ADAMDEC1: variants seen among roughly 807,000 people sequenced by gnomAD.
ADAMDEC1 encodes ADAM DEC1.
In ADAMDEC1, 62 loss-of-function variants were observed where a neutral mutation model predicts 60.4. That is an observed-to-expected ratio of 1.03 (90% CI 0.84 to 1.27). ADAMDEC1 has a LOEUF of 1.27. Among genes scored for constraint, ADAMDEC1 ranks in the 50% most tolerant of loss-of-function variants. ADAMDEC1 has a pLI of 0.00. For missense variants in ADAMDEC1, 595 were observed against 565.0 expected, an observed-to-expected ratio of 1.05 and a Z score of -0.54; for synonymous variants, 210 against 195.1, an observed-to-expected ratio of 1.08 and a Z score of -0.64.
At position 24,402,527 on chromosome 8, in the gene ADAMDEC1, T is replaced by A. The variant is rs1335231017; in HGVS notation, c.1320+435T>A. On this transcript the variant is annotated intron_variant, in intron 12 of 13. Transcript: ENST00000256412. Reference sequence around the variant, plus strand: ...AGAGAAGAAAGAGGAAAAGAAAAAATAATCACAAAAATCTGTAGAAAATAG... The same window carrying A: ...AGAGAAGAAAGAGGAAAAGAAAAAAAAATCACAAAAATCTGTAGAAAATAG... Among the ~76,000 whole-genome samples, 5 of 152,038 alleles carry A rather than the reference T, an allele frequency of 3.3e-5. No individual in the cohort carries two copies. In the East Asian group the frequency reaches 9.7e-4, roughly 29 times the overall value.
chr8:24,390,996 T>C (rs6990604), intron 1 of ADAMDEC1, among the ~76,000 whole-genome samples: 3,537 of 152,180 alleles, frequency 0.023, 136 homozygotes, highest in African/African-American at 0.082. Flanking sequence ...TCATTCTCAT[T>C]CCAAGCGCAT....
chr8:24,403,253 T>A (rs10110662), intron 12 of ADAMDEC1, among the ~76,000 whole-genome samples: 4,506 of 152,240 alleles, frequency 0.03, 91 homozygotes, highest in East Asian at 0.069. Flanking sequence ...ATAACTGTTT[T>A]CTTTTCCAAA....
chr8:24,393,746 A>G (rs960800773), intron 3 of ADAMDEC1, among the ~76,000 whole-genome samples: 9 of 152,176 alleles, frequency 5.9e-5, no homozygotes, highest in Admixed American at 4.6e-4. Context: ...CAATGGGCCT[A>G]TAAGCATATT....
intron 3 of ADAMDEC1, 93 bp from the exon 4 acceptor site, chr8:24,393,976 T>G (rs574080405): frequency 1.3e-6 from 1 of 786,116 alleles, no homozygotes; most frequent in African/African-American, 1.7e-5. Flanking sequence ...TATTTATCAT[T>G]GTAGACACTA....
chr8:24,384,912 G>T (rs1224033702), intron 1 of ADAMDEC1, among the ~76,000 whole-genome samples: 1 of 151,978 alleles, frequency 6.6e-6, no homozygotes, highest in Non-Finnish European at 1.5e-5. Flanking sequence ...GCTACATATT[G>T]TTCCATTCAT....
rs1168381546 is a variant in ADAMDEC1 at position 24,384,569 on chromosome 8, T to C, written c.65T>C (p.Leu22Pro). The C allele has an allele frequency of 6.2e-7, 1 of 1,611,038 alleles. No homozygotes were observed. Among genetic ancestry groups the C allele is most frequent in the African/African-American group, 1.3e-5 (1 of 74,878 alleles). The part of the protein sequence containing the change: ...ATMSWVLLPV[L>P]WLIVQTQAIA... Reference sequence around the variant, plus strand: ...ATGTCTTGGGTCCTGCTGCCTGTACTTTGGCTCATTGTTCAAACTCAAGGT... The same window carrying C: ...ATGTCTTGGGTCCTGCTGCCTGTACCTTGGCTCATTGTTCAAACTCAAGGT... Residue 22 changes from leucine (L) to proline (P), a missense_variant, in exon 1 of 14, where the codon CTT becomes CCT. Coordinates refer to ENST00000256412, the MANE Select transcript of ADAMDEC1 (RefSeq NM_014479.3).
rs780277411 is a variant in ADAMDEC1, at chr8:24,401,930, G to T, written c.1158G>T (p.Lys386Asn). 2 of 1,609,506 alleles carry T rather than the reference G, an allele frequency of 1.2e-6. No homozygotes were observed. Among genetic ancestry groups the T allele is most frequent in the South Asian group, 2.2e-5 (2 of 90,808 alleles). Residue 386 changes from lysine to asparagine, a missense_variant, in exon 12 of 14, where the codon AAG (lysine) becomes AAT (asparagine). Coordinates refer to ENST00000256412, the MANE Select transcript of ADAMDEC1 (RefSeq NM_014479.3). ...MNQYLSSKFP[K>N]DFSTSCRAHF... Reference sequence around the variant, plus strand: ...CTGATTACAGTTCAAAATTCCCAAAGGATTTCAGTACATCTTGCCGTGCAC... The same window carrying T: ...CTGATTACAGTTCAAAATTCCCAAATGATTTCAGTACATCTTGCCGTGCAC...
chr8:24,403,962 ATGT>A (rs1817826379), intron 12 of ADAMDEC1, 38 bp from the exon 13 acceptor site: 2 of 1,565,434 alleles, frequency 1.3e-6, no homozygotes, highest in African/African-American at 2.7e-5. Context: ...TGGGAAGAAA[ATGT>A]TGAACCCACC....
Position 24,399,615 on chromosome 8 carries a change from C to T in ADAMDEC1, c.1011+141C>T, listed in dbSNP as rs990811996. 28 of 747,310 alleles carry T rather than the reference C, an allele frequency of 3.7e-5. No homozygotes were observed. The African/African-American group carries it at 4.5e-4, about 12-fold the overall frequency. 46.3% of individuals were successfully genotyped at this position (747,310 alleles called of 1,614,324 possible). On this transcript the variant is annotated intron_variant, in intron 10 of 13. Coordinates refer to ENST00000256412, the MANE Select transcript of ADAMDEC1 (RefSeq NM_014479.3). Reference sequence around the variant, plus strand: ...AAATGAAACTACTGGTAGGTCATTGCACTGAAGATCCCTTGGGTTATGCGA... The same window carrying T: ...AAATGAAACTACTGGTAGGTCATTGTACTGAAGATCCCTTGGGTTATGCGA...
intron 4 of ADAMDEC1, 84 bp downstream of exon 4, chr8:24,394,231 C>A: frequency 9.4e-7 from 1 of 1,063,224 alleles, no homozygotes; most frequent in Non-Finnish European, 1.4e-6. Flanking sequence ...CTCCAAAGGG[C>A]TCAATTATTT....
intron 1 of ADAMDEC1, among the ~76,000 whole-genome samples, chr8:24,390,584 G>C (rs1412633458): frequency 6.6e-6 from 1 of 151,950 alleles, no homozygotes; most frequent in Admixed American, 6.5e-5. Flanking sequence ...GCCAGGTGTG[G>C]TGGTACGCAA....
chr8:24,391,870 A>G (rs1333750215), intron 1 of ADAMDEC1, among the ~76,000 whole-genome samples: 1 of 152,154 alleles, frequency 6.6e-6, no homozygotes, highest in Non-Finnish European at 1.5e-5. Flanking sequence ...CATAGAGAGA[A>G]AAATTCACAA....
chr8:24,386,335 C>A (rs1366655414), intron 1 of ADAMDEC1, among the ~76,000 whole-genome samples: 1 of 152,180 alleles, frequency 6.6e-6, no homozygotes, highest in African/African-American at 2.4e-5. Context: ...TCCATAAAAT[C>A]TTACCATCAT....
intron 1 of ADAMDEC1, among the ~76,000 whole-genome samples, chr8:24,390,526 C>A (rs1221636657): frequency 6.6e-6 from 1 of 152,076 alleles, no homozygotes; most frequent in Non-Finnish European, 1.5e-5. Flanking sequence ...TCGAGACCAG[C>A]CTGACCAACA....
intron 1 of ADAMDEC1, 69 bp downstream of exon 1, chr8:24,384,661 G>A: frequency 7.3e-7 from 1 of 1,366,340 alleles, no homozygotes; most frequent in African/African-American, 1.5e-5. Context: ...AGTGCCTTTT[G>A]AAAAAAAATG....
chr8:24,384,451 T>A lies in ADAMDEC1; in HGVS notation c.-54T>A. ...GGGGGTTTTAATTTTCTTGTTCAAC[T>A]TCTAAAGAGAAATTGGAGAAGATAA... is the stretch of plus-strand genomic sequence containing the variant. On this transcript the variant is annotated 5_prime_UTR_variant, in exon 1 of 14. Transcript: ENST00000256412. 1 of 1,432,338 alleles carries A rather than the reference T, an allele frequency of 7.0e-7. No individual in the cohort carries two copies. Among genetic ancestry groups the A allele is most frequent in the Non-Finnish European group, 9.5e-7 (1 of 1,057,252 alleles). The allele number at this position is 1,432,338 out of a possible 1,614,324, so 88.7% of individuals were successfully genotyped here.
chr8:24,394,741 T>TAA (rs142565980), intron 4 of ADAMDEC1, among the ~76,000 whole-genome samples: 3,873 of 151,020 alleles, frequency 0.026, 157 homozygotes, highest in African/African-American at 0.09. Context: ...TTTCTCTATA[T>TAA]AAAAAAAAAG....
chr8:24,388,120 C>G (rs1817342381), intron 1 of ADAMDEC1: 2 of 152,760 alleles, frequency 1.3e-5, no homozygotes, highest in South Asian at 4.1e-4. Flanking sequence ...GATAAATTCC[C>G]CTACACTCCC....
rs757215142 is a variant in ADAMDEC1 at position 24,399,428 on chromosome 8, C to T, written c.965C>T (p.Ala322Val). The T allele has an allele frequency of 6.2e-7, 1 of 1,613,952 alleles. No homozygotes were observed. The highest frequency in any genetic ancestry group is 1.1e-5 in the South Asian group (1 of 91,078). ...ISFNNRRVGL[A>V]ASNSLCSPSS... ...TTCAACAATCGACGTGTGGGACTGGCAGCTTCAAATTCCTTGTGTTCCCCA... is the reference window on the plus strand; with the variant it reads ...TTCAACAATCGACGTGTGGGACTGGTAGCTTCAAATTCCTTGTGTTCCCCA... Residue 322 changes from alanine to valine, a missense_variant, in exon 10 of 14, where the codon GCA becomes GTA. By Grantham distance (64) the Ala-to-Val change is moderately conservative (BLOSUM62 0). Transcript: ENST00000256412.
Sources: allele counts gnomAD v4.1 joint callset (sites outside exome capture counted in the v4.1 genomes callset), GRCh38; gene constraint gnomAD v4.1.1; transcripts MANE v1.5; gene names NCBI Gene and HGNC (gene_info 2026-07-23, HGNC 2026-07-21).